SLX4IP: variants seen among roughly 807,000 people sequenced by gnomAD.
SLX4IP encodes the protein protein SLX4IP.
Under a neutral mutation model 32.9 loss-of-function variants are expected in SLX4IP, and 34 were observed. That is an observed-to-expected ratio of 1.03 (90% CI 0.79 to 1.38). The LOEUF (loss-of-function observed/expected upper bound fraction) is 1.38. SLX4IP is among the 40% of genes most tolerant of loss of function. SLX4IP has a pLI of 0.00. For missense variants in SLX4IP, 444 were observed against 479.0 expected (o/e 0.93, Z 0.68); for synonymous variants, 172 against 171.7 (o/e 1.00, Z -0.01).
At chr20:10,564,711 A>T (rs1387284264) in intron 4 of SLX4IP, among the ~76,000 whole-genome samples, 1 of 152,228 alleles carries the variant, frequency 6.6e-6, no homozygotes, top group Non-Finnish European at 1.5e-5. Flanking sequence ...TTGGTCAAAG[A>T]ACAGCATAGT....
At chr20:10,556,472 T>C (rs1359692566) in intron 3 of SLX4IP, 152 bp downstream of exon 3, 7 of 741,680 alleles carry the variant, frequency 9.4e-6, no homozygotes, top group Non-Finnish European at 1.5e-5. Context: ...CAGACACATA[T>C]GCACCCACTT....
chr20:10,538,152 T>C (rs933826618), intron 2 of SLX4IP, among the ~76,000 whole-genome samples: 1 of 152,170 alleles, frequency 6.6e-6, no homozygotes, highest in African/African-American at 2.4e-5. Flanking sequence ...ATGAGCAGCA[T>C]CCACACTCTT....
rs181864176 is a variant in SLX4IP, at chr20:10,608,530, C to T, written c.405+6711C>T. 5.2e-3 allele frequency among the ~76,000 whole-genome samples: 785 copies of T among 151,614 alleles called. 4 individuals are homozygous for T. Among genetic ancestry groups the T allele is most frequent in the African/African-American group, 0.018 (741 of 41,338 alleles). On this transcript the variant is annotated intron_variant, in intron 6 of 7. Coordinates refer to ENST00000334534, the MANE Select transcript of SLX4IP (RefSeq NM_001009608.3). ...AATACAGGAAAAAAAAAAAGGTAGC[C>T]GGATGTGGTGGCAGGCGCCTGTAGT...
chr20:10,486,101 A>G (rs948795918), intron 2 of SLX4IP, among the ~76,000 whole-genome samples: 2 of 152,040 alleles, frequency 1.3e-5, no homozygotes, highest in African/African-American at 4.8e-5. Flanking sequence ...TTAACTGTAT[A>G]TTCAAGAGGG....
chr20:10,622,655 TCAGTGTGAAAAGAACTGAAACAAAAAG>T lies in SLX4IP; in HGVS notation c.510_536del (p.Lys171_Val179del). On this transcript the variant is annotated splice_acceptor_variant and splice_polypyrimidine_tract_variant and coding_sequence_variant and intron_variant, in exon 8 of 8. Transcript: ENST00000334534. LOFTEE classifies it high-confidence loss of function. The stretch of plus-strand genomic sequence containing the variant: ...AACCATAAAATCATTTTTGTTTGTT[TCAGTGTGAAAAGAACTGAAACAAAAAG>T]CAGTGTCACGAGCAAATCGCAGACC... 46 of 1,599,282 alleles carry T rather than the reference TCAGTGTGAAAAGAACTGAAACAAAAAG, an allele frequency of 2.9e-5. No homozygotes were observed. In the Admixed American group the frequency reaches 6.9e-4, roughly 24 times the overall value.
intron 2 of SLX4IP, among the ~76,000 whole-genome samples, chr20:10,554,061 C>T (rs2066244622): frequency 6.6e-6 from 1 of 152,216 alleles, no homozygotes; most frequent in African/African-American, 2.4e-5. Flanking sequence ...TAACATACCC[C>T]ATCAAGATAC....
At chr20:10,534,537 G>T (rs956582898) in intron 2 of SLX4IP, among the ~76,000 whole-genome samples, 1 of 152,140 alleles carries the variant, frequency 6.6e-6, no homozygotes, top group East Asian at 1.9e-4. Context: ...AAGGAGCCTC[G>T]AGTCAAGCCT....
intron 1 of SLX4IP, among the ~76,000 whole-genome samples, chr20:10,451,029 G>A (rs1015507632): frequency 1.3e-5 from 2 of 152,118 alleles, no homozygotes; most frequent in African/African-American, 4.8e-5. Flanking sequence ...TGGGATTACA[G>A]GCGTGAGCCA....
intron 4 of SLX4IP, among the ~76,000 whole-genome samples, chr20:10,593,441 A>G (rs1447545979): frequency 6.6e-6 from 1 of 152,130 alleles, no homozygotes; most frequent in Non-Finnish European, 1.5e-5. Flanking sequence ...CTGAGGTTAA[A>G]AAAAAAAGCT....
intron 2 of SLX4IP, among the ~76,000 whole-genome samples, chr20:10,472,635 A>G (rs2065435307): frequency 6.6e-6 from 1 of 152,224 alleles, no homozygotes; most frequent in Non-Finnish European, 1.5e-5. Context: ...CAGGGCCTTA[A>G]GATTGACCAG....
chr20:10,538,570 G>A (rs1434369847), intron 2 of SLX4IP, among the ~76,000 whole-genome samples: 1 of 151,254 alleles, frequency 6.6e-6, no homozygotes, highest in Non-Finnish European at 1.5e-5. Context: ...CTGTCGCCCA[G>A]GCTGGAGTGC....
chr20:10,583,817 A>G (rs1316083961), intron 4 of SLX4IP, among the ~76,000 whole-genome samples: 4 of 152,238 alleles, frequency 2.6e-5, no homozygotes, highest in South Asian at 4.1e-4. Flanking sequence ...TTATATTACT[A>G]GTAAATACTG....
At chr20:10,553,988 A>G (rs2066243777) in intron 2 of SLX4IP, among the ~76,000 whole-genome samples, 1 of 152,236 alleles carries the variant, frequency 6.6e-6, no homozygotes, top group Admixed American at 6.5e-5. Context: ...ACAGTGTTTA[A>G]AAATTGTTTA....
At chr20:10,436,019 T>A (rs1465499688) in intron 1 of SLX4IP, among the ~76,000 whole-genome samples, 1 of 151,598 alleles carries the variant, frequency 6.6e-6, no homozygotes, top group Non-Finnish European at 1.5e-5. Flanking sequence ...AAGTATTTGC[T>A]TTCTCCTTCC....
At chr20:10,452,664 CAAAAAAAAAAA>C (rs71332999) in intron 1 of SLX4IP, among the ~76,000 whole-genome samples, 36 of 117,930 alleles carry the variant, frequency 3.1e-4, no homozygotes, top group African/African-American at 1.1e-3. Context: ...GAAACTGTCT[CAAAAAAAAAAA>C]AAAAAATATA....
chr20:10,579,235 A>G (rs149056582), intron 4 of SLX4IP, among the ~76,000 whole-genome samples: 1 of 152,076 alleles, frequency 6.6e-6, no homozygotes, highest in Non-Finnish European at 1.5e-5. Context: ...AGTTAATTTC[A>G]TATATGACAT....
intron 2 of SLX4IP, among the ~76,000 whole-genome samples, chr20:10,518,456 TTCC>T (rs1469060499): frequency 0.055 from 3,863 of 69,868 alleles, 286 homozygotes; most frequent in Admixed American, 0.086. Flanking sequence ...CCTTCCTTCC[TTCC>T]TTCCTTTCCT....
At chr20:10,515,847 T>C (rs2065845635) in intron 2 of SLX4IP, among the ~76,000 whole-genome samples, 1 of 152,246 alleles carries the variant, frequency 6.6e-6, no homozygotes, top group Non-Finnish European at 1.5e-5. Context: ...GATTTTGCTG[T>C]GTGAGAACAG....
intron 2 of SLX4IP, among the ~76,000 whole-genome samples, chr20:10,510,217 T>C (rs2065795087): frequency 6.6e-6 from 1 of 152,220 alleles, no homozygotes; most frequent in East Asian, 1.9e-4. Context: ...CTCTTCTTGA[T>C]TGGTGAAGGG....
Sources: allele counts gnomAD v4.1 joint callset (sites outside exome capture counted in the v4.1 genomes callset), GRCh38; gene constraint gnomAD v4.1.1; transcripts MANE v1.5; gene names NCBI Gene and HGNC (gene_info 2026-07-23, HGNC 2026-07-21).